Variants in ASTN2 observed in about 807,000 individuals in gnomAD.
ASTN2 encodes astrotactin-2.
In ASTN2, 54 loss-of-function variants were observed where a neutral mutation model predicts 139.8. That is an observed-to-expected ratio of 0.39 (90% CI 0.31 to 0.48). The LOEUF is 0.48. Ranked by LOEUF, ASTN2 falls within the 20% of genes least tolerant of loss-of-function variation. The pLI, the probability that ASTN2 is intolerant of heterozygous loss-of-function variation, is 0.95. For synonymous variants in ASTN2, 756 were observed against 719.5 expected, an observed-to-expected ratio of 1.05 and a Z score of -0.81; for missense variants, 1,565 against 1,725.1, an observed-to-expected ratio of 0.91 and a Z score of 1.64.
intron 17 of ASTN2, among the ~76,000 whole-genome samples, chr9:116,621,031 A>G (rs543651582): frequency 6.6e-6 from 1 of 151,728 alleles, no homozygotes; most frequent in African/African-American, 2.4e-5. Context: ...ATCTCTCACC[A>G]CTCTCCTGAC....
intron 10 of ASTN2, among the ~76,000 whole-genome samples, chr9:116,905,569 A>T (rs930556920): frequency 1.3e-5 from 2 of 152,150 alleles, no homozygotes; most frequent in Non-Finnish European, 2.9e-5. Context: ...TCCTAAGCAG[A>T]TGGGCCCGCC....
rs535836469 is a variant in ASTN2 at position 116,596,055 on chromosome 9, A to T, written c.3355+22269T>A. Among the ~76,000 whole-genome samples, 97 of 152,324 alleles carry T rather than the reference A, an allele frequency of 6.4e-4. 1 individual carries two copies. Among genetic ancestry groups the T allele is most frequent in the Middle Eastern group, 3.4e-3 (1 of 294 alleles). ...GTGTGCATCGACAAATAAATGGATG[A>T]AGAAAACATGGTATATGCATACAAT... On this transcript the variant is annotated intron_variant, in intron 19 of 22. Coordinates refer to ENST00000313400, the MANE Select transcript of ASTN2 (RefSeq NM_001365068.1).
intron 1 of ASTN2, among the ~76,000 whole-genome samples, chr9:117,380,870 G>A (rs1211373476): frequency 1.3e-5 from 2 of 152,110 alleles, no homozygotes; most frequent in Non-Finnish European, 2.9e-5. Context: ...AACTTAAACA[G>A]AATTACCATA....
At chr9:116,614,939 C>T (rs1855761688) in intron 19 of ASTN2, among the ~76,000 whole-genome samples, 1 of 152,076 alleles carries the variant, frequency 6.6e-6, no homozygotes, top group Non-Finnish European at 1.5e-5. Flanking sequence ...AACAGGCAAC[C>T]TACAGAATGG....
intron 16 of ASTN2, among the ~76,000 whole-genome samples, chr9:116,681,666 C>G (rs1859874709): frequency 6.6e-6 from 1 of 151,988 alleles, no homozygotes; most frequent in African/African-American, 2.4e-5. Flanking sequence ...GGTACTGGTA[C>G]CAAAACAGAG....
rs1832315940 is a variant in ASTN2 at position 116,843,170 on chromosome 9, C to T, written c.2040+20413G>A. Reference sequence around the variant, plus strand: ...TTCATTGTTGCCCTATTCACAATAGCAAAGACATGGACTCAACCTGTGCCC... The same window carrying T: ...TTCATTGTTGCCCTATTCACAATAGTAAAGACATGGACTCAACCTGTGCCC... On this transcript the variant is annotated intron_variant, in intron 11 of 22. Coordinates refer to ENST00000313400, the MANE Select transcript of ASTN2 (RefSeq NM_001365068.1). 3.9e-5 allele frequency among the ~76,000 whole-genome samples: 6 copies of T among 151,986 alleles called. No individual in the cohort carries two copies. In the South Asian group the frequency reaches 1.2e-3, roughly 31 times the overall value.
At chr9:116,881,550 T>C (rs768966121) in intron 10 of ASTN2, among the ~76,000 whole-genome samples, 21 of 152,226 alleles carry the variant, frequency 1.4e-4, no homozygotes, top group Non-Finnish European at 2.4e-4. Flanking sequence ...ACAAAAATGA[T>C]AAGCCACTTA....
At chr9:116,741,676 T>G (rs1829100277) in intron 13 of ASTN2, among the ~76,000 whole-genome samples, 1 of 152,106 alleles carries the variant, frequency 6.6e-6, no homozygotes, top group Non-Finnish European at 1.5e-5. Context: ...TACAAAACGT[T>G]TGTCTGAACC....
chr9:117,074,248 A>AGAGGAG (rs888445487), intron 5 of ASTN2, among the ~76,000 whole-genome samples: 2 of 151,916 alleles, frequency 1.3e-5, no homozygotes, highest in East Asian at 1.9e-4. Context: ...CCCGTTCTCT[A>AGAGGAG]GAGGAGGAGG....
At chr9:117,195,324 T>C (rs898346748) in intron 3 of ASTN2, among the ~76,000 whole-genome samples, 1 of 152,034 alleles carries the variant, frequency 6.6e-6, no homozygotes, top group Non-Finnish European at 1.5e-5. Flanking sequence ...TCATGGCACA[T>C]ACAAAGGGCA....
chr9:117,140,623 G>A (rs1042251847), intron 4 of ASTN2, among the ~76,000 whole-genome samples: 2 of 151,562 alleles, frequency 1.3e-5, no homozygotes, highest in African/African-American at 4.9e-5. Flanking sequence ...GAAAGAGGAG[G>A]AGGAGGAAGA....
intron 5 of ASTN2, among the ~76,000 whole-genome samples, chr9:117,048,812 A>G (rs574147673): frequency 1.3e-5 from 2 of 152,278 alleles, no homozygotes; most frequent in African/African-American, 4.8e-5. Flanking sequence ...TGTTCAAACA[A>G]CAGAAGAATA....
chr9:116,513,922 T>C (rs2119201326), intron 19 of ASTN2, among the ~76,000 whole-genome samples: 1 of 152,054 alleles, frequency 6.6e-6, no homozygotes, highest in East Asian at 1.9e-4. Context: ...TCAAGGTTTT[T>C]ATCTTCTTTG....
chr9:116,542,233 T>C (rs1240955600), intron 19 of ASTN2, among the ~76,000 whole-genome samples: 1 of 152,258 alleles, frequency 6.6e-6, no homozygotes, highest in Non-Finnish European at 1.5e-5. Flanking sequence ...GCAAATTCTC[T>C]TGATACATAT....
At chr9:117,205,489 TGA>T (rs1404044147) in intron 3 of ASTN2, among the ~76,000 whole-genome samples, 2 of 152,184 alleles carry the variant, frequency 1.3e-5, no homozygotes, top group Non-Finnish European at 2.9e-5. Context: ...GGACAAGATT[TGA>T]ACCCAGGTCC....
At chr9:116,836,193 C>CAT (rs1831985585) in intron 11 of ASTN2, among the ~76,000 whole-genome samples, 1 of 152,142 alleles carries the variant, frequency 6.6e-6, no homozygotes, top group African/African-American at 2.4e-5. Context: ...CCCCCTTAAT[C>CAT]TCCACTAACA....
rs115310895 is a variant in ASTN2, at chr9:116,848,093, T to C, written c.2040+15490A>G. ...GGGAGGAAAATGAACATCTGTTGTGTACCCCCCATACACCAGACACACTGC... is the reference window on the plus strand; with the variant it reads ...GGGAGGAAAATGAACATCTGTTGTGCACCCCCCATACACCAGACACACTGC... On this transcript the variant is annotated intron_variant, in intron 11 of 22. Transcript: ENST00000313400. Among the ~76,000 whole-genome samples, 918 of 152,294 alleles carry C rather than the reference T, an allele frequency of 6.0e-3. 8 individuals are homozygous for C. The highest frequency in any genetic ancestry group is 0.021 in the African/African-American group (863 of 41,548).
intron 10 of ASTN2, among the ~76,000 whole-genome samples, chr9:116,944,260 G>C (rs1212182816): frequency 2.7e-5 from 2 of 74,042 alleles, no homozygotes; most frequent in Non-Finnish European, 6.0e-5. Flanking sequence ...TAACCTCCAT[G>C]TGATGGAGAG....
chr9:117,180,624 T>C (rs1460340208), intron 3 of ASTN2: 1 of 1,261,922 alleles, frequency 7.9e-7, no homozygotes. Context: ...TGATCTGGAG[T>C]ATCTTTTTTT....
Sources: allele counts gnomAD v4.1 joint callset (sites outside exome capture counted in the v4.1 genomes callset), GRCh38; gene constraint gnomAD v4.1.1; transcripts MANE v1.5; gene names NCBI Gene and HGNC (gene_info 2026-07-23, HGNC 2026-07-21).